RNF13: variants seen among roughly 807,000 people sequenced by gnomAD.
The protein encoded by RNF13 is ring finger protein 13.
In RNF13, 19 loss-of-function variants were observed where a neutral mutation model predicts 37.7. The observed-to-expected ratio is 0.50, with a 90% CI of 0.35 to 0.74. The LOEUF (loss-of-function observed/expected upper bound fraction) is 0.74, where lower values mean the gene tolerates loss of function less well. Ranked by LOEUF, RNF13 falls within the 30% of genes least tolerant of loss-of-function variation. The pLI, the probability that RNF13 is intolerant of heterozygous loss-of-function variation, is 0.01. For synonymous variants in RNF13, 144 were observed against 157.8 expected (o/e 0.91, Z 0.65); for missense variants, 375 against 453.0 (o/e 0.83, Z 1.56).
intron 1 of RNF13, among the ~76,000 whole-genome samples, chr3:149,838,547 G>C (rs1721874214): frequency 6.6e-6 from 1 of 152,206 alleles, no homozygotes. Flanking sequence ...GCCAAGGCTT[G>C]GGGCTTGCAT....
intron 4 of RNF13, among the ~76,000 whole-genome samples, chr3:149,877,415 A>T (rs34448964): frequency 6.7e-6 from 1 of 150,152 alleles, no homozygotes; most frequent in African/African-American, 2.4e-5. Flanking sequence ...TTTTTAAATT[A>T]CCATAAACAT....
At chr3:149,850,483 G>T (rs914262500) in intron 2 of RNF13, among the ~76,000 whole-genome samples, 1 of 152,096 alleles carries the variant, frequency 6.6e-6, no homozygotes, top group Non-Finnish European at 1.5e-5. Flanking sequence ...TTTCAAAAAG[G>T]GTTTCATTCA....
intron 1 of RNF13, among the ~76,000 whole-genome samples, chr3:149,829,894 T>A (rs190810583): frequency 3.3e-5 from 5 of 152,308 alleles, no homozygotes; most frequent in African/African-American, 1.2e-4. Flanking sequence ...TTTTCTGTGC[T>A]GTTCTCGTGA....
intron 8 of RNF13, among the ~76,000 whole-genome samples, chr3:149,955,866 C>CTGCACTG (rs1721812076): frequency 6.6e-6 from 1 of 152,304 alleles, no homozygotes; most frequent in Non-Finnish European, 1.5e-5. Context: ...ATCAATTTGT[C>CTGCACTG]TGCACTGTGA....
At chr3:149,955,917 G>C (rs182562988) in intron 8 of RNF13, among the ~76,000 whole-genome samples, 80 of 152,212 alleles carry the variant, frequency 5.3e-4, no homozygotes, top group African/African-American at 1.9e-3. Context: ...TTTAAAAATG[G>C]TAATTCCTCT....
At chr3:149,831,184 C>T (rs1721001645) in intron 1 of RNF13, among the ~76,000 whole-genome samples, 1 of 152,250 alleles carries the variant, frequency 6.6e-6, no homozygotes, top group South Asian at 2.1e-4. Flanking sequence ...AGAGTCCCTA[C>T]TGGGGACTGC....
At chr3:149,933,426 C>T (rs139762252) in intron 8 of RNF13, among the ~76,000 whole-genome samples, 9 of 152,148 alleles carry the variant, frequency 5.9e-5, no homozygotes, top group East Asian at 5.8e-4. Context: ...TTACAGCTTG[C>T]GCTCTCCAGA....
At chr3:149,842,425 A>G (rs937410320) in intron 1 of RNF13, among the ~76,000 whole-genome samples, 1 of 152,108 alleles carries the variant, frequency 6.6e-6, no homozygotes, top group Non-Finnish European at 1.5e-5. Flanking sequence ...GCATAATTGT[A>G]TTTATTCTAC....
intron 8 of RNF13, among the ~76,000 whole-genome samples, chr3:149,949,565 G>T (rs551549177): frequency 7.6e-4 from 115 of 151,288 alleles, no homozygotes; most frequent in African/African-American, 2.4e-3. Flanking sequence ...TCTTGAATTT[G>T]TATATCCATT....
At chr3:149,937,826 A>G (rs1208442415) in intron 8 of RNF13, among the ~76,000 whole-genome samples, 1 of 152,126 alleles carries the variant, frequency 6.6e-6, no homozygotes, top group Admixed American at 6.5e-5. Flanking sequence ...AAAATAAAGT[A>G]TACTTTATGT....
At chr3:149,839,403 T>C in intron 1 of RNF13, among the ~76,000 whole-genome samples, 2 of 118,792 alleles carry the variant, frequency 1.7e-5, no homozygotes, top group Non-Finnish European at 3.4e-5. Context: ...ATTTTCATAC[T>C]GCTATGATGA....
intron 8 of RNF13, among the ~76,000 whole-genome samples, chr3:149,937,514 T>C (rs1218788507): frequency 6.6e-6 from 1 of 152,206 alleles, no homozygotes; most frequent in African/African-American, 2.4e-5. Flanking sequence ...ATGTTGTCAC[T>C]GTATAGTTGT....
At chr3:149,925,690 G>C (rs1230521351) in intron 8 of RNF13, among the ~76,000 whole-genome samples, 1 of 151,530 alleles carries the variant, frequency 6.6e-6, no homozygotes, top group African/African-American at 2.4e-5. Flanking sequence ...CATATATCCT[G>C]GTGCATATGT....
intron 1 of RNF13, among the ~76,000 whole-genome samples, chr3:149,840,015 TA>T (rs1394531150): frequency 2.6e-5 from 4 of 152,206 alleles, no homozygotes; most frequent in Admixed American, 6.5e-5. Context: ...GTATCTTATT[TA>T]TTTTTTTTCA....
intron 6 of RNF13, among the ~76,000 whole-genome samples, chr3:149,908,304 GTATT>G (rs1716638599): frequency 6.6e-6 from 1 of 152,046 alleles, no homozygotes; most frequent in African/African-American, 2.4e-5. Context: ...CTTTGGGAGG[GTATT>G]TAATCTTCAT....
In RNF13 at chr3:149,902,021, TA is replaced by T. The variant is rs375074239; in HGVS notation, c.410-50del. 17 of 789,162 alleles carry T rather than the reference TA, an allele frequency of 2.2e-5. No individual in the cohort carries two copies. In the African/African-American group the frequency reaches 2.5e-4, roughly 12 times the overall value. The allele number at this position is 789,162 out of a possible 1,614,324, so 48.9% of individuals were successfully genotyped here. A position where few individuals can be genotyped will look rare whatever the true frequency, so the allele number is the denominator to read the frequency against. ...GCTGCTATTATGAAGAAAAGTTGAT[TA>T]TACACTAAATATGGGCTTTTAAGAA... is the stretch of plus-strand genomic sequence containing the variant. On this transcript the variant is annotated intron_variant, in intron 5 of 9. Transcript: ENST00000392894.
chr3:149,928,003 CCTT>C (rs1718810036), intron 8 of RNF13, among the ~76,000 whole-genome samples: 1 of 139,394 alleles, frequency 7.2e-6, no homozygotes, highest in African/African-American at 2.8e-5. Flanking sequence ...TAAGCAAAAA[CCTT>C]TTTTTTTTTT....
In RNF13 at chr3:149,930,322, C is replaced by T. The variant is rs545946979; in HGVS notation, c.700+9095C>T. ...TGGCTGTTTTGGTGTTTTGCCATTC[C>T]GTATATACTTGTGAACTAGTTTGTT... On this transcript the variant is annotated intron_variant, in intron 8 of 9. Transcript: ENST00000392894. Among the ~76,000 whole-genome samples the T allele has an allele frequency of 3.2e-4, 48 of 152,060 alleles. No individual in the cohort carries two copies. The East Asian group carries it at 3.7e-3, about 12-fold the overall frequency.
At position 149,911,960 on chromosome 3, in the gene RNF13, AT is replaced by A. The variant is rs1717038777; in HGVS notation, c.501-13del. 1 of 1,249,158 alleles carries A rather than the reference AT, an allele frequency of 8.0e-7. No individual in the cohort carries two copies. Among genetic ancestry groups the A allele is most frequent in the Non-Finnish European group, 1.2e-6 (1 of 858,864 alleles). The allele number at this position is 1,249,158 out of a possible 1,614,324, so 77.4% of individuals were successfully genotyped here. ...ACAACTCTTCATTTCTCAATTATTG[AT>A]TTTTGTTTTCTTCTAGGGGCCACCT... On this transcript the variant is annotated splice_polypyrimidine_tract_variant and intron_variant, in intron 6 of 9. Coordinates refer to ENST00000392894, the MANE Select transcript of RNF13 (RefSeq NM_183381.3).
Sources: allele counts gnomAD v4.1 joint callset (sites outside exome capture counted in the v4.1 genomes callset), GRCh38; gene constraint gnomAD v4.1.1; transcripts MANE v1.5; gene names NCBI Gene and HGNC (gene_info 2026-07-23, HGNC 2026-07-21).